Variants in SUPT20H observed in about 807,000 individuals in gnomAD.
SUPT20H encodes transcription factor SPT20 homolog.
A neutral mutation model predicts 122.8 loss-of-function variants in SUPT20H; 82 were observed. The ratio of observed to expected loss-of-function variants is 0.67; its 90% CI spans 0.56 to 0.80. The LOEUF (loss-of-function observed/expected upper bound fraction) is 0.80. Among genes scored for constraint, SUPT20H ranks in the 30% least tolerant of loss-of-function variants. The probability of loss-of-function intolerance (pLI) is 0.00; values close to 1 mark genes in which losing one functional copy is unlikely to be tolerated. For synonymous variants in SUPT20H, 291 were observed against 313.0 expected (o/e 0.93, Z 0.74); for missense variants, 831 against 921.6 (o/e 0.90, Z 1.27).
intron 7 of SUPT20H, 92 bp downstream of exon 7, chr13:37,043,986 T>C: frequency 3.0e-6 from 2 of 677,262 alleles, no homozygotes; most frequent in African/African-American, 1.9e-5. Context: ...GTCGTTTATA[T>C]ACATATATGT....
At chr13:37,015,208 A>G (rs2060233447) in intron 23 of SUPT20H, among the ~76,000 whole-genome samples, 1 of 151,974 alleles carries the variant, frequency 6.6e-6, no homozygotes, top group Non-Finnish European at 1.5e-5. Flanking sequence ...GGATGCAATC[A>G]AGAGTGAAAA....
At chr13:37,032,753 G>C (rs1200350869) in intron 10 of SUPT20H, among the ~76,000 whole-genome samples, 1 of 152,158 alleles carries the variant, frequency 6.6e-6, no homozygotes, top group Non-Finnish European at 1.5e-5. Context: ...GTTTCCCATG[G>C]AGGGTGGGGA....
intron 22 of SUPT20H, 24 bp from the exon 23 acceptor site, chr13:37,017,388 T>G (rs1478419845): frequency 7.5e-6 from 12 of 1,589,428 alleles, no homozygotes; most frequent in Non-Finnish European, 1.0e-5. Flanking sequence ...AAACAAAAAT[T>G]AACCAATTTC....
At chr13:37,056,135 G>A (rs2139468347) in intron 1 of SUPT20H, among the ~76,000 whole-genome samples, 1 of 152,304 alleles carries the variant, frequency 6.6e-6, no homozygotes, top group East Asian at 1.9e-4. Context: ...GAGAGGATGT[G>A]GAGAAATAGG....
intron 10 of SUPT20H, 35 bp downstream of exon 10, chr13:37,033,413 GT>G (rs778369021): frequency 6.3e-7 from 1 of 1,598,742 alleles, no homozygotes; most frequent in South Asian, 1.1e-5. Context: ...ATAGCTACTT[GT>G]GTCTTTTGGT....
chr13:37,041,733 A>G (rs2065507771), intron 7 of SUPT20H, among the ~76,000 whole-genome samples: 1 of 152,162 alleles, frequency 6.6e-6, no homozygotes, highest in African/African-American at 2.4e-5. Flanking sequence ...TACAATGCCT[A>G]CTATGTGCTA....
chr13:37,044,000 C>T (rs2065963913), intron 7 of SUPT20H, 78 bp downstream of exon 7: 3 of 808,180 alleles, frequency 3.7e-6, no homozygotes, highest in Non-Finnish European at 5.9e-6. Context: ...TATATGTATA[C>T]ATACATAAAA....
At chr13:37,031,646 C>A in intron 11 of SUPT20H, 23 bp from the exon 12 acceptor site, 1 of 1,550,870 alleles carries the variant, frequency 6.4e-7, no homozygotes, top group South Asian at 1.3e-5. Context: ...AAACAATATA[C>A]TGAAAAATTA....
At chr13:37,048,047 C>G in intron 3 of SUPT20H, 111 bp from the exon 4 acceptor site, 1 of 640,910 alleles carries the variant, frequency 1.6e-6, no homozygotes, top group Non-Finnish European at 2.4e-6. Flanking sequence ...TCACTTAACT[C>G]TCTGAATTAC....
At chr13:37,035,288 A>G (rs1039469128) in intron 9 of SUPT20H, among the ~76,000 whole-genome samples, 3 of 152,168 alleles carry the variant, frequency 2.0e-5, no homozygotes, top group African/African-American at 7.2e-5. Context: ...AACATGCATG[A>G]TTCATGGGAG....
intron 23 of SUPT20H, chr13:37,012,850 GAAAT>G (rs1443566760): frequency 1.3e-5 from 2 of 151,160 alleles, no homozygotes; most frequent in Non-Finnish European, 3.0e-5. Flanking sequence ...TGTGAAAACT[GAAAT>G]AAAAAAAATA....
At chr13:37,049,246 T>C (rs1174287398) in intron 2 of SUPT20H, among the ~76,000 whole-genome samples, 1 of 152,072 alleles carries the variant, frequency 6.6e-6, no homozygotes, top group African/African-American at 2.4e-5. Context: ...TCAGTAATAT[T>C]AAAATATAAA....
chr13:37,012,214 A>G lies in SUPT20H; in HGVS notation c.2076T>C (p.Ser692=). ...TACCAGCTGCCTGTGACTGCATAAA[A>G]CTTCCTACTCCAGTAAGGTTAATAA... ...AAVINLTGVG[S]FMQSQAAVLS... The change falls in exon 24 of 26, where the codon AGT becomes AGC. Residue 692 remains serine, a synonymous_variant. Coordinates refer to ENST00000350612, the MANE Select transcript of SUPT20H (RefSeq NM_001014286.3). 6 of 1,613,200 alleles carry G rather than the reference A, an allele frequency of 3.7e-6. No individual in the cohort carries two copies. The highest frequency in any genetic ancestry group is 5.1e-6 in the Non-Finnish European group (6 of 1,179,364).
chr13:37,018,110 C>CA (rs2060839201), intron 22 of SUPT20H, among the ~76,000 whole-genome samples: 1 of 150,762 alleles, frequency 6.6e-6, no homozygotes, highest in Non-Finnish European at 1.5e-5. Flanking sequence ...TCTGTATAGT[C>CA]AAAAAAATAA....
intron 12 of SUPT20H, among the ~76,000 whole-genome samples, chr13:37,030,299 G>A (rs770407509): frequency 2.6e-5 from 4 of 152,130 alleles, no homozygotes; most frequent in Non-Finnish European, 5.9e-5. Context: ...TTTTTTGAAC[G>A]TTTTCCACTT....
rs2061577060 is a variant in SUPT20H, at chr13:37,022,511, T to C, written c.1592-431A>G. 8.9e-6 allele frequency: 11 copies of C among 1,239,964 alleles called. No individual in the cohort carries two copies. Among genetic ancestry groups the C allele is most frequent in the African/African-American group, 4.7e-5 (3 of 64,430 alleles). 76.8% of individuals were successfully genotyped at this position (1,239,964 alleles called of 1,614,324 possible). ...CTCAATTACAATTAAGGATGCAGTA[T>C]ATCACCTAAAAATCCCATTAAAGAT... On this transcript the variant is annotated intron_variant, in intron 19 of 25. Transcript: ENST00000350612. This position sits in a 1 kb window ranked among gnomAD's most constrained non-coding sequence, Gnocchi z 4.5.
Position 37,009,431 on chromosome 13 carries a change from C to CAT in SUPT20H, c.*239_*240dup. 2.7e-6 allele frequency: 2 copies of CAT among 736,840 alleles called. No homozygotes were observed. Among genetic ancestry groups the CAT allele is most frequent in the Non-Finnish European group, 2.2e-6 (1 of 445,878 alleles). The allele number at this position is 736,840 out of a possible 1,614,324, so 45.6% of individuals were successfully genotyped here. A position where few individuals can be genotyped will look rare whatever the true frequency, so the allele number is the denominator to read the frequency against. On this transcript the variant is annotated 3_prime_UTR_variant, in exon 26 of 26. Coordinates refer to ENST00000350612, the MANE Select transcript of SUPT20H (RefSeq NM_001014286.3). ...TTTCTATTATTTCTTAGGTCACTTC[C>CAT]ATATATATTATGTATAGTGAAACCA...
chr13:37,019,534 T>C (rs1473907473), intron 21 of SUPT20H, 137 bp from the exon 22 acceptor site: 12 of 501,504 alleles, frequency 2.4e-5, no homozygotes, highest in Non-Finnish European at 4.0e-5. Context: ...ACTTCAAAAA[T>C]ATCTTAAAAA....
intron 21 of SUPT20H, among the ~76,000 whole-genome samples, chr13:37,021,210 G>A (rs2139473244): frequency 6.6e-6 from 1 of 152,322 alleles, no homozygotes; most frequent in Admixed American, 6.5e-5. Context: ...TATTTGGAAA[G>A]CAGAAGAAAG....
Sources: allele counts gnomAD v4.1 joint callset (sites outside exome capture counted in the v4.1 genomes callset), GRCh38; gene constraint gnomAD v4.1.1; non-coding constraint Gnocchi (gnomAD v3.1); transcripts MANE v1.5; gene names NCBI Gene and HGNC (gene_info 2026-07-23, HGNC 2026-07-21).